The following CFTR variants were observed in gnomAD, a reference collection of about 807,000 sequenced individuals.
The protein encoded by CFTR is cystic fibrosis transmembrane conductance regulator.
CFTR carries 181 observed loss-of-function variants against 171.6 expected under a neutral mutation model. The ratio of observed to expected loss-of-function variants is 1.05; its 90% CI spans 0.93 to 1.19. CFTR has a LOEUF of 1.19. CFTR is among the 50% of genes most tolerant of loss of function. The pLI, the probability that CFTR is intolerant of heterozygous loss-of-function variation, is 0.00. For missense variants in CFTR, 1,968 were observed against 1,734.7 expected (o/e 1.13, Z -2.39); for synonymous variants, 583 against 608.0 (o/e 0.96, Z 0.60).
chr7:117,627,646 T>C lies in CFTR; in HGVS notation c.3593T>C (p.Val1198Ala), dbSNP rs868396901. Residue 1198 changes from valine (V) to alanine (A), a missense_variant, in exon 22 of 27, where the codon GTG becomes GCG. By Grantham distance (64) the Val-to-Ala change is moderately conservative (BLOSUM62 0). Transcript: ENST00000003084. ...GTTATGATTATTGAGAATTCACACG[T>C]GAAGAAAGATGACATCTGGCCCTCA... ...SKVMIIENSHVKKDDIWPSGG... is the reference protein window; with the variant it reads ...SKVMIIENSHAKKDDIWPSGG... 1.2e-6 allele frequency: 2 copies of C among 1,613,420 alleles called. No individual in the cohort carries two copies. The highest frequency in any genetic ancestry group is 2.7e-5 in the African/African-American group (2 of 74,982).
At chr7:117,519,569 C>T (rs2116655344) in intron 3 of CFTR, among the ~76,000 whole-genome samples, 1 of 151,806 alleles carries the variant, frequency 6.6e-6, no homozygotes, top group East Asian at 1.9e-4. Flanking sequence ...TTTTTATTTT[C>T]TTCTGATTAA....
chr7:117,664,993 GC>G (rs930033968), intron 25 of CFTR, 133 bp downstream of exon 25: 21 of 972,050 alleles, frequency 2.2e-5, no homozygotes, highest in Middle Eastern at 3.0e-4. Flanking sequence ...TGAAATAATT[GC>G]CCAGTGGAAA....
At chr7:117,574,848 AATTTGTGCACATTCTTCTT>A (rs1337297243) in intron 11 of CFTR, among the ~76,000 whole-genome samples, 2 of 152,056 alleles carry the variant, frequency 1.3e-5, no homozygotes, top group African/African-American at 4.8e-5. Flanking sequence ...TAAATTGTAT[AATTTGTGCACATTCTTCTT>A]TAATTTGCCT....
At chr7:117,553,863 G>T (rs573070434) in intron 10 of CFTR, among the ~76,000 whole-genome samples, 5 of 152,128 alleles carry the variant, frequency 3.3e-5, no homozygotes, top group Non-Finnish European at 5.9e-5. Flanking sequence ...AGGGATTAGG[G>T]AATGCAGACT....
At chr7:117,659,368 A>G (rs544268005) in intron 24 of CFTR, among the ~76,000 whole-genome samples, 1 of 152,314 alleles carries the variant, frequency 6.6e-6, no homozygotes, top group Non-Finnish European at 1.5e-5. Context: ...CAGGGATTAT[A>G]TCCTATTAAT....
At chr7:117,602,690 G>A (rs1792243573) in intron 15 of CFTR, 136 bp from the exon 16 acceptor site, 1 of 819,066 alleles carries the variant, frequency 1.2e-6, no homozygotes, top group Admixed American at 1.7e-5. Context: ...GGAACACAAA[G>A]CAAAGGAAGA....
chr7:117,621,239 C>T (rs213987), intron 21 of CFTR, among the ~76,000 whole-genome samples: 71,471 of 151,978 alleles, frequency 0.47, 19,890 homozygotes, highest in African/African-American at 0.79. Context: ...GTGATTCTAG[C>T]GTGTATCAAG....
At chr7:117,504,409 T>C in intron 2 of CFTR, 46 bp downstream of exon 2, 1 of 947,564 alleles carries the variant, frequency 1.1e-6, no homozygotes, top group Non-Finnish European at 1.7e-6. Flanking sequence ...ATTCATATTA[T>C]TAATTATTTA....
rs1798488752 is a variant in CFTR at position 117,509,922 on chromosome 7, C to T, written c.273+780C>T. ...GGCGTTTACTTATCATATGGATTGACTTGTGTTTATATTGGTCTTTATGCC... is the reference window on the plus strand; with the variant it reads ...GGCGTTTACTTATCATATGGATTGATTTGTGTTTATATTGGTCTTTATGCC... On this transcript the variant is annotated intron_variant, in intron 3 of 26. Coordinates refer to ENST00000003084, the MANE Select transcript of CFTR (RefSeq NM_000492.4). Among the ~76,000 whole-genome samples the T allele has an allele frequency of 2.0e-5, 3 of 152,220 alleles. 1 individual carries two copies. The highest frequency in any genetic ancestry group is 1.5e-5 in the Non-Finnish European group (1 of 67,998).
At chr7:117,647,687 A>G (rs1383338056) in intron 23 of CFTR, among the ~76,000 whole-genome samples, 1 of 151,864 alleles carries the variant, frequency 6.6e-6, no homozygotes, top group African/African-American at 2.4e-5. Flanking sequence ...ACCAAAAAAA[A>G]AAAAAAATTT....
chr7:117,561,830 G>A (rs1207046300), intron 11 of CFTR, among the ~76,000 whole-genome samples: 1 of 152,092 alleles, frequency 6.6e-6, no homozygotes, highest in East Asian at 1.9e-4. Flanking sequence ...CTCTATCTGG[G>A]TCTGAATAAT....
chr7:117,586,819 G>A (rs371735330), intron 11 of CFTR, among the ~76,000 whole-genome samples: 83 of 151,758 alleles, frequency 5.5e-4, no homozygotes, highest in African/African-American at 1.7e-3. Context: ...CTAACTCTTC[G>A]CATTCTTGAA....
chr7:117,617,482 C>T (rs1792509301), intron 21 of CFTR, among the ~76,000 whole-genome samples: 1 of 152,086 alleles, frequency 6.6e-6, no homozygotes, highest in African/African-American at 2.4e-5. Context: ...TTATTATATT[C>T]CCTAAGATAG....
At position 117,668,500 on chromosome 7, in the gene CFTR, C is replaced by G. The variant is rs143911642; in HGVS notation, c.*1392C>G. On this transcript the variant is annotated 3_prime_UTR_variant, in exon 27 of 27. Coordinates refer to ENST00000003084, the MANE Select transcript of CFTR (RefSeq NM_000492.4). ...ACAGCTGTATGATTCCCAGCCAGCA[C>G]AGCCTCTTAGATGCAGTTCTGAAGA... 16 of 152,650 alleles carry G rather than the reference C, an allele frequency of 1.0e-4. No homozygotes were observed. Among genetic ancestry groups the G allele is most frequent in the African/African-American group, 3.9e-4 (16 of 41,458 alleles). The allele number at this position is 152,650 out of a possible 1,614,324, so 9.5% of individuals were successfully genotyped here. A position where few individuals can be genotyped will look rare whatever the true frequency, so the allele number is the denominator to read the frequency against.
intron 1 of CFTR, among the ~76,000 whole-genome samples, chr7:117,481,234 A>G (rs1422621652): frequency 1.3e-5 from 2 of 152,170 alleles, no homozygotes; most frequent in East Asian, 1.9e-4. Context: ...ATGAGAGAGA[A>G]GGACTTTACT....
intron 3 of CFTR, among the ~76,000 whole-genome samples, chr7:117,526,048 T>C (rs1235878349): frequency 6.6e-6 from 1 of 150,642 alleles, no homozygotes; most frequent in African/African-American, 2.5e-5. Context: ...GTTTAGCGCT[T>C]CCTTCAGGAG....
rs140756916 is a variant in CFTR, at chr7:117,530,249, T to C, written c.274-650T>C. ...CCCAAAGTCCATTCCTATTGCTGAC[T>C]GAGAAGGGACTAGCATTGGAAGTGG... is the stretch of plus-strand genomic sequence containing the variant. On this transcript the variant is annotated intron_variant, in intron 3 of 26. Transcript: ENST00000003084. 6.5e-3 allele frequency among the ~76,000 whole-genome samples: 997 copies of C among 152,294 alleles called. 9 individuals are homozygous for C. The highest frequency in any genetic ancestry group is 9.2e-3 in the Non-Finnish European group (623 of 68,016).
At chr7:117,639,775 T>A (rs1278604061) in intron 22 of CFTR, among the ~76,000 whole-genome samples, 1 of 152,192 alleles carries the variant, frequency 6.6e-6, no homozygotes, top group Admixed American at 6.5e-5. Flanking sequence ...TCAGTGGGTA[T>A]AAGCAGCATA....
chr7:117,601,642 A>G (rs1792226264), intron 15 of CFTR, among the ~76,000 whole-genome samples: 1 of 152,106 alleles, frequency 6.6e-6, no homozygotes, highest in African/African-American at 2.4e-5. Flanking sequence ...TTCATTTCCA[A>G]AATTGTTTTA....
Sources: allele counts gnomAD v4.1 joint callset (sites outside exome capture counted in the v4.1 genomes callset), GRCh38; gene constraint gnomAD v4.1.1; transcripts MANE v1.5; gene names NCBI Gene and HGNC (gene_info 2026-07-23, HGNC 2026-07-21).